The following USP49 variants were observed in gnomAD, a reference collection of about 807,000 sequenced individuals.
The protein encoded by USP49 is ubiquitin carboxyl-terminal hydrolase 49.
In USP49, 24 loss-of-function variants were observed where a neutral mutation model predicts 58.6. The observed-to-expected ratio is 0.41, with a 90% CI of 0.30 to 0.58. The LOEUF (loss-of-function observed/expected upper bound fraction) is 0.58. USP49 is among the 20% of genes least tolerant of loss of function. The pLI, the probability that USP49 is intolerant of heterozygous loss-of-function variation, is 0.30. For synonymous variants in USP49, 408 were observed against 365.1 expected, an observed-to-expected ratio of 1.12 and a Z score of -1.34; for missense variants, 703 against 866.1, an observed-to-expected ratio of 0.81 and a Z score of 2.36.
At chr6:41,819,020 G>C (rs1190638359) in intron 3 of USP49, among the ~76,000 whole-genome samples, 1 of 151,904 alleles carries the variant, frequency 6.6e-6, no homozygotes, top group Non-Finnish European at 1.5e-5. Context: ...ATAAAAGTCT[G>C]TACAGAAATG....
chr6:41,805,512 G>T, intron 4 of USP49, 116 bp downstream of exon 4: 1 of 1,155,928 alleles, frequency 8.7e-7, no homozygotes, highest in South Asian at 1.5e-5. Flanking sequence ...CCTCCAAATT[G>T]CATAATCACA....
intron 3 of USP49, among the ~76,000 whole-genome samples, chr6:41,828,432 G>C (rs1345144219): frequency 6.6e-6 from 1 of 152,128 alleles, no homozygotes; most frequent in Non-Finnish European, 1.5e-5. Flanking sequence ...CTGGGAGACA[G>C]AGCAAGACTC....
chr6:41,818,239 A>T (rs779504792), intron 3 of USP49, among the ~76,000 whole-genome samples: 2 of 152,114 alleles, frequency 1.3e-5, no homozygotes, highest in Non-Finnish European at 2.9e-5. Flanking sequence ...TGTACCTAAA[A>T]CCTAACCCCT....
rs1249175792 is a variant in USP49 at position 41,887,588 on chromosome 6, CAT to C, written c.-103+4204_-103+4205del. Among the ~76,000 whole-genome samples the C allele has an allele frequency of 4.6e-5, 7 of 152,278 alleles. No individual in the cohort carries two copies. In the South Asian group the frequency reaches 1.5e-3, roughly 32 times the overall value. On this transcript the variant is annotated intron_variant, in intron 2 of 7. Transcript: ENST00000682992. ...AGGGAATAATGGAGTGGGGCAAAGA[CAT>C]AGACAAAAGCCTTTAAAACATATCT...
In USP49 at chr6:41,806,447, C is replaced by G. The variant is rs756328300; in HGVS notation, c.537G>C (p.Glu179Asp). The change falls in exon 4 of 8, where the codon GAG (glutamate) becomes GAC (aspartate). Residue 179 changes from glutamate to aspartate, a missense_variant. Glu to Asp is a conservative substitution (Grantham distance 45, BLOSUM62 2). Transcript: ENST00000682992. This position sits in a 1 kb window ranked among gnomAD's most constrained non-coding sequence, Gnocchi z 5.9. ...GCCTCCGCGCCTCCTCCTTCTTGCG[C>G]TCCAGGGCCTCCTCCTGCCGCCGCT... Reference protein sequence around the residue: ...LEQRRQEEALERKKEEARRRR... With the variant: ...LEQRRQEEALDRKKEEARRRR... 6.3e-7 allele frequency: 1 copy of G among 1,591,026 alleles called. No individual in the cohort carries two copies. Among genetic ancestry groups the G allele is most frequent in the Non-Finnish European group, 8.5e-7 (1 of 1,176,398 alleles).
At chr6:41,822,175 A>G (rs1456096248) in intron 3 of USP49, among the ~76,000 whole-genome samples, 1 of 152,226 alleles carries the variant, frequency 6.6e-6, no homozygotes, top group East Asian at 1.9e-4. Context: ...CAACTTGAGA[A>G]GCCAAGAATT....
intron 2 of USP49, among the ~76,000 whole-genome samples, chr6:41,877,678 A>G (rs1213902076): frequency 6.8e-6 from 1 of 146,916 alleles, no homozygotes; most frequent in Non-Finnish European, 1.5e-5. Flanking sequence ...CTCATGCCTC[A>G]GCCTCCCAAG....
chr6:41,876,902 T>C (rs944267949), intron 2 of USP49, among the ~76,000 whole-genome samples: 2 of 152,216 alleles, frequency 1.3e-5, no homozygotes, highest in African/African-American at 4.8e-5. Context: ...CAGCATAGGA[T>C]AGCGGGAAGA....
intron 2 of USP49, among the ~76,000 whole-genome samples, chr6:41,879,941 C>G (rs1774574106): frequency 6.6e-6 from 1 of 152,108 alleles, no homozygotes; most frequent in South Asian, 2.1e-4. Context: ...TTTCGTGGCT[C>G]ACTCCTGAAT....
At chr6:41,884,966 A>C (rs568884176) in intron 2 of USP49, among the ~76,000 whole-genome samples, 2 of 152,372 alleles carry the variant, frequency 1.3e-5, no homozygotes, top group East Asian at 3.8e-4. Flanking sequence ...GAACTCTGTA[A>C]GTCCTACATA....
At chr6:41,820,391 C>A (rs941337499) in intron 3 of USP49, among the ~76,000 whole-genome samples, 3 of 152,032 alleles carry the variant, frequency 2.0e-5, no homozygotes, top group Non-Finnish European at 4.4e-5. Flanking sequence ...CACCCTTAGT[C>A]CACAACTAGA....
intron 6 of USP49, 44 bp downstream of exon 6, chr6:41,799,786 T>C: frequency 1.3e-6 from 2 of 1,563,016 alleles, no homozygotes; most frequent in South Asian, 2.2e-5. Context: ...GGAGCAGCTA[T>C]TCCCACAGCT....
intron 3 of USP49, among the ~76,000 whole-genome samples, chr6:41,807,421 G>A (rs1773160286): frequency 6.6e-6 from 1 of 152,168 alleles, no homozygotes; most frequent in Non-Finnish European, 1.5e-5. Flanking sequence ...TCATTTTTAT[G>A]AGACGTGACT....
At chr6:41,850,129 G>A (rs972000035) in intron 3 of USP49, among the ~76,000 whole-genome samples, 1 of 152,060 alleles carries the variant, frequency 6.6e-6, no homozygotes, top group African/African-American at 2.4e-5. Flanking sequence ...TCAATTTATG[G>A]TTGTAAAAGC....
At chr6:41,819,903 A>G (rs1773424052) in intron 3 of USP49, among the ~76,000 whole-genome samples, 1 of 152,232 alleles carries the variant, frequency 6.6e-6, no homozygotes, top group African/African-American at 2.4e-5. Context: ...AGAACATACT[A>G]TCATAGGCTG....
intron 3 of USP49, among the ~76,000 whole-genome samples, chr6:41,853,586 G>A (rs1009494224): frequency 4.6e-5 from 7 of 152,178 alleles, no homozygotes; most frequent in Non-Finnish European, 8.8e-5. Flanking sequence ...TTTGTCCAAT[G>A]TAAGATCTCT....
rs146668065 is a variant in USP49, at chr6:41,813,874, G to T, written c.-28-6863C>A. Among the ~76,000 whole-genome samples, 123 of 152,202 alleles carry T rather than the reference G, an allele frequency of 8.1e-4. 1 individual carries two copies. The highest frequency in any genetic ancestry group is 2.9e-3 in the African/African-American group (121 of 41,532). ...GAGAATAAAGAGAATACCACCTCAGGTATACTCGGGTCAAGAAAGAAGATG... is the reference window on the plus strand; with the variant it reads ...GAGAATAAAGAGAATACCACCTCAGTTATACTCGGGTCAAGAAAGAAGATG... On this transcript the variant is annotated intron_variant, in intron 3 of 7. Transcript: ENST00000682992.
intron 3 of USP49, among the ~76,000 whole-genome samples, chr6:41,860,810 GATTATT>G (rs576566087): frequency 2.0e-5 from 3 of 151,306 alleles, no homozygotes; most frequent in Non-Finnish European, 4.4e-5. Context: ...GCGCCCGGCA[GATTATT>G]ATTATTATTT....
Position 41,796,513 on chromosome 6 carries a change from C to CT in USP49, c.*19dup. 1.4e-6 allele frequency: 1 copy of CT among 716,228 alleles called. No individual in the cohort carries two copies. The highest frequency in any genetic ancestry group is 2.6e-6 in the Non-Finnish European group (1 of 384,658). The allele number at this position is 716,228 out of a possible 1,614,324, so 44.4% of individuals were successfully genotyped here. A position where few individuals can be genotyped will look rare whatever the true frequency, so the allele number is the denominator to read the frequency against. ...TGGACACCAATACACAAAAGCCAGT[C>CT]TTTGATACATGCCTCCCATTCAGGA... On this transcript the variant is annotated 3_prime_UTR_variant, in exon 8 of 8. Transcript: ENST00000682992.
Sources: gnomAD v4.1 joint callset for allele counts (sites outside exome capture counted in the v4.1 genomes callset) on GRCh38, gnomAD v4.1.1 for gene constraint, Gnocchi (gnomAD v3.1) non-coding constraint, MANE v1.5 for transcripts, NCBI Gene and HGNC (gene_info 2026-07-23, HGNC 2026-07-21) for gene names.